Variants in CDK5RAP2 observed in about 807,000 individuals in gnomAD.
CDK5RAP2 encodes the protein CDK5 regulatory subunit associated protein 2.
In CDK5RAP2, 147 loss-of-function variants were observed where a neutral mutation model predicts 232.9. The ratio of observed to expected loss-of-function variants is 0.63; its 90% CI spans 0.55 to 0.72. The LOEUF (loss-of-function observed/expected upper bound fraction) is 0.72. Ranked by LOEUF, CDK5RAP2 falls within the 30% of genes least tolerant of loss-of-function variation. The probability of loss-of-function intolerance (pLI) is 0.00; values close to 1 mark genes in which losing one functional copy is unlikely to be tolerated. For synonymous variants in CDK5RAP2, 833 were observed against 833.7 expected (o/e 1.00, Z 0.01); for missense variants, 2,195 against 2,231.5 (o/e 0.98, Z 0.33).
At chr9:120,454,204 A>T (rs1049553525) in intron 20 of CDK5RAP2, among the ~76,000 whole-genome samples, 2 of 152,246 alleles carry the variant, frequency 1.3e-5, no homozygotes, top group African/African-American at 2.4e-5. Context: ...TAAGGTGACC[A>T]TGACAATTAC....
chr9:120,452,141 T>C (rs1284876626), intron 21 of CDK5RAP2, among the ~76,000 whole-genome samples: 1 of 151,950 alleles, frequency 6.6e-6, no homozygotes, highest in Admixed American at 6.6e-5. Flanking sequence ...TTTCCTGATA[T>C]ACAGGTACAA....
At chr9:120,524,321 G>A (rs951624428) in intron 11 of CDK5RAP2, among the ~76,000 whole-genome samples, 48 of 152,162 alleles carry the variant, frequency 3.2e-4, no homozygotes, top group African/African-American at 1.2e-3. Flanking sequence ...CAGTGAATAA[G>A]CTACACATGC....
At chr9:120,573,869 A>G (rs2042940813) in intron 1 of CDK5RAP2, among the ~76,000 whole-genome samples, 1 of 152,238 alleles carries the variant, frequency 6.6e-6, no homozygotes, top group Non-Finnish European at 1.5e-5. Flanking sequence ...ACTAAAATCA[A>G]GTTCAACCAT....
intron 36 of CDK5RAP2, among the ~76,000 whole-genome samples, chr9:120,392,420 ATCTGGGT>A (rs2032072981): frequency 6.6e-6 from 1 of 152,170 alleles, no homozygotes; most frequent in East Asian, 1.9e-4. Context: ...GACACAGGGG[ATCTGGGT>A]TCTAGTTCTG....
intron 25 of CDK5RAP2, among the ~76,000 whole-genome samples, chr9:120,436,509 G>T (rs892071347): frequency 1.3e-5 from 2 of 152,164 alleles, no homozygotes. Flanking sequence ...TTAGATAATA[G>T]TATATTAGAC....
chr9:120,413,738 A>AC (rs1440927751), intron 28 of CDK5RAP2, among the ~76,000 whole-genome samples: 1 of 152,044 alleles, frequency 6.6e-6, no homozygotes, highest in Non-Finnish European at 1.5e-5. Flanking sequence ...GTTTGATACA[A>AC]CTAATAACTC....
intron 25 of CDK5RAP2, among the ~76,000 whole-genome samples, chr9:120,428,889 C>T (rs1186632557): frequency 1.3e-5 from 2 of 152,190 alleles, no homozygotes; most frequent in South Asian, 2.1e-4. Context: ...TCCAGCAGCA[C>T]ATCAAAAAGC....
At chr9:120,507,144 T>A (rs2039853305) in intron 12 of CDK5RAP2, among the ~76,000 whole-genome samples, 1 of 152,200 alleles carries the variant, frequency 6.6e-6, no homozygotes, top group Admixed American at 6.5e-5. Context: ...CTGATGATCA[T>A]TAGTATTTCT....
intron 7 of CDK5RAP2, 110 bp downstream of exon 7, chr9:120,536,262 A>G (rs1223082672): frequency 2.5e-6 from 3 of 1,221,446 alleles, no homozygotes; most frequent in South Asian, 1.3e-5. Context: ...CTCAAGTCCT[A>G]TGGGAAACAT....
In CDK5RAP2 at chr9:120,453,462, G is replaced by A. The variant is rs1459059992; in HGVS notation, c.2787C>T (p.Thr929=). 4 of 1,608,512 alleles carry A rather than the reference G, an allele frequency of 2.5e-6. No individual in the cohort carries two copies. The highest frequency in any genetic ancestry group is 3.3e-5 in the Admixed American group (2 of 59,978). The part of the protein sequence containing the change: ...QAALLSLPGI[T]NREAKKSRLP... ...ATTACATGGAAAAACTTACTCTGTT[G>A]GTAATACCAGGGAGGGAAAGGAGGG... The change falls in exon 21 of 38, where the codon ACC becomes ACT. Residue 929 remains threonine, a synonymous_variant. Coordinates refer to ENST00000349780, the MANE Select transcript of CDK5RAP2 (RefSeq NM_018249.6).
Position 120,520,729 on chromosome 9 carries a change from T to C in CDK5RAP2, c.1093-2084A>G, listed in dbSNP as rs1364493041. ...ACATCTCATATATCATGATATATCA[T>C]ATATGTATCATGTGATATCTCATAT... On this transcript the variant is annotated intron_variant, in intron 11 of 37. Transcript: ENST00000349780. Among the ~76,000 whole-genome samples, 38 of 150,958 alleles carry C rather than the reference T, an allele frequency of 2.5e-4. 2 individuals carry two copies. In the East Asian group the frequency reaches 6.9e-3, roughly 27 times the overall value.
chr9:120,399,196 C>G (rs2032776104), intron 35 of CDK5RAP2, among the ~76,000 whole-genome samples: 1 of 152,102 alleles, frequency 6.6e-6, no homozygotes, highest in Admixed American at 6.6e-5. Flanking sequence ...GTGGCTATAA[C>G]TTTTTTTGTG....
intron 7 of CDK5RAP2, among the ~76,000 whole-genome samples, chr9:120,534,656 C>T (rs1234771020): frequency 6.6e-6 from 1 of 152,256 alleles, no homozygotes; most frequent in Non-Finnish European, 1.5e-5. Context: ...TGTCAGGACC[C>T]TCAGAGGGCC....
At chr9:120,541,788 T>C (rs2041644313) in intron 5 of CDK5RAP2, among the ~76,000 whole-genome samples, 3 of 152,168 alleles carry the variant, frequency 2.0e-5, no homozygotes, top group Admixed American at 2.0e-4. Context: ...AAGCGCCAGA[T>C]GCAGGATGTG....
At chr9:120,557,059 A>G (rs2042254669) in intron 3 of CDK5RAP2, among the ~76,000 whole-genome samples, 1 of 152,246 alleles carries the variant, frequency 6.6e-6, no homozygotes, top group African/African-American at 2.4e-5. Context: ...ATTCTTAACA[A>G]CACTTGAAAG....
chr9:120,579,916 G>A lies in CDK5RAP2; in HGVS notation c.59+4C>T. On this transcript the variant is annotated splice_donor_region_variant and intron_variant, in intron 1 of 37. Coordinates refer to ENST00000349780, the MANE Select transcript of CDK5RAP2 (RefSeq NM_018249.6). ...TACCACGACCACCAATGCCCCGGCCGCACCTGCAGCCGCTGAGCGTCCCAG... is the reference window on the plus strand; with the variant it reads ...TACCACGACCACCAATGCCCCGGCCACACCTGCAGCCGCTGAGCGTCCCAG... 4 of 1,611,316 alleles carry A rather than the reference G, an allele frequency of 2.5e-6. No individual in the cohort carries two copies. Among genetic ancestry groups the A allele is most frequent in the Non-Finnish European group, 3.4e-6 (4 of 1,177,510 alleles).
chr9:120,397,566 G>GAA (rs1296378886), intron 35 of CDK5RAP2, among the ~76,000 whole-genome samples: 2 of 94,244 alleles, frequency 2.1e-5, no homozygotes, highest in South Asian at 3.8e-4. Context: ...AAAAAAAAAA[G>GAA]AAAAAAGAAA....
chr9:120,533,935 C>T (rs191482770), intron 7 of CDK5RAP2, among the ~76,000 whole-genome samples: 1 of 152,240 alleles, frequency 6.6e-6, no homozygotes, highest in Admixed American at 6.5e-5. Flanking sequence ...CTGTTCTCCT[C>T]CATTCCCAGC....
intron 13 of CDK5RAP2, among the ~76,000 whole-genome samples, chr9:120,488,315 C>G (rs71509523): frequency 1.3e-5 from 2 of 152,232 alleles, no homozygotes; most frequent in African/African-American, 4.8e-5. Flanking sequence ...ATAGAAAGAA[C>G]TAGGAATCAA....
Sources: gnomAD v4.1 joint callset for allele counts (sites outside exome capture counted in the v4.1 genomes callset) on GRCh38, gnomAD v4.1.1 for gene constraint, MANE v1.5 for transcripts, NCBI Gene and HGNC (gene_info 2026-07-23, HGNC 2026-07-21) for gene names.